Variants in PLA2G4A observed in about 807,000 individuals in gnomAD.
PLA2G4A encodes cytosolic phospholipase A2.
PLA2G4A carries 40 observed loss-of-function variants against 81.9 expected under a neutral mutation model. The observed-to-expected ratio is 0.49, with a 90% CI of 0.38 to 0.64. The LOEUF (loss-of-function observed/expected upper bound fraction) is 0.64, where lower values mean the gene tolerates loss of function less well. Among genes scored for constraint, PLA2G4A ranks in the 30% least tolerant of loss-of-function variants. The pLI, the probability that PLA2G4A is intolerant of heterozygous loss-of-function variation, is 0.00. For missense variants in PLA2G4A, 715 were observed against 905.1 expected, an observed-to-expected ratio of 0.79 and a Z score of 2.69; for synonymous variants, 302 against 296.9, an observed-to-expected ratio of 1.02 and a Z score of -0.18.
chr1:186,903,248 A>T (rs935211736), intron 5 of PLA2G4A, among the ~76,000 whole-genome samples: 1 of 152,228 alleles, frequency 6.6e-6, no homozygotes, highest in East Asian at 1.9e-4. Flanking sequence ...ACCTAGAAAA[A>T]AAAAAGAGTA....
At chr1:186,913,451 C>A (rs944736683) in intron 7 of PLA2G4A, among the ~76,000 whole-genome samples, 4 of 151,934 alleles carry the variant, frequency 2.6e-5, no homozygotes, top group Non-Finnish European at 5.9e-5. Flanking sequence ...TTATCTATTT[C>A]TCTCTTTATA....
chr1:186,956,557 C>T (rs939194582), intron 14 of PLA2G4A, among the ~76,000 whole-genome samples: 1 of 152,166 alleles, frequency 6.6e-6, no homozygotes, highest in African/African-American at 2.4e-5. Flanking sequence ...CCCAGTCACC[C>T]AGGCTGCAGT....
At chr1:186,959,722 G>C (rs1656882387) in intron 14 of PLA2G4A, among the ~76,000 whole-genome samples, 1 of 152,012 alleles carries the variant, frequency 6.6e-6, no homozygotes, top group African/African-American at 2.4e-5. Flanking sequence ...CCAATTTTTA[G>C]AATAATCATA....
At chr1:186,916,710 C>A (rs899225258) in intron 7 of PLA2G4A, among the ~76,000 whole-genome samples, 2 of 152,128 alleles carry the variant, frequency 1.3e-5, no homozygotes, top group African/African-American at 4.8e-5. Flanking sequence ...GGGCTACATA[C>A]CTGTACTGAG....
In PLA2G4A at chr1:186,953,911, G is replaced by C. The variant is rs1428383861; in HGVS notation, c.1337-2191G>C. On this transcript the variant is annotated intron_variant, in intron 13 of 17. Coordinates refer to ENST00000367466, the MANE Select transcript of PLA2G4A (RefSeq NM_024420.3). ...CCTATTTATATGCTGTGTAACTAGA[G>C]ATAGAAATCGTTCACTTTAAAGCCT... Among the ~76,000 whole-genome samples, 5 of 152,030 alleles carry C rather than the reference G, an allele frequency of 3.3e-5. No homozygotes were observed. In the East Asian group the frequency reaches 7.8e-4, roughly 24 times the overall value.
At chr1:186,965,634 C>G (rs1182207043) in intron 15 of PLA2G4A, 41 bp downstream of exon 15, 1 of 1,377,984 alleles carries the variant, frequency 7.3e-7, no homozygotes, top group Non-Finnish European at 1.0e-6. Flanking sequence ...CTACCACATT[C>G]TCTTGCTTGC....
At chr1:186,844,909 A>G (rs1391027886) in intron 1 of PLA2G4A, among the ~76,000 whole-genome samples, 1 of 152,166 alleles carries the variant, frequency 6.6e-6, no homozygotes, top group Non-Finnish European at 1.5e-5. Context: ...TCACACCTGT[A>G]ATCCCCTCAC....
chr1:186,943,084 GA>G (rs1272999993), intron 10 of PLA2G4A, among the ~76,000 whole-genome samples: 9 of 152,204 alleles, frequency 5.9e-5, no homozygotes, highest in Non-Finnish European at 1.3e-4. Flanking sequence ...CTGTGTAGAA[GA>G]AAAAGTTGAG....
chr1:186,946,678 T>A lies in PLA2G4A; in HGVS notation c.1075T>A (p.Tyr359Asn). Residue 359 changes from tyrosine to asparagine, a missense_variant, in exon 11 of 18, where the codon TAT becomes AAT. Tyr to Asn is a moderately radical substitution (Grantham distance 143). Coordinates refer to ENST00000367466, the MANE Select transcript of PLA2G4A (RefSeq NM_024420.3). The stretch of plus-strand genomic sequence containing the variant: ...TCCATACGAAATTGGCATGGCTAAA[T>A]ATGGTACTTTTATGGCTCCCGACTT... ...FSPYEIGMAKYGTFMAPDLFG... is the reference protein window; with the variant it reads ...FSPYEIGMAKNGTFMAPDLFG... 6.2e-7 allele frequency: 1 copy of A among 1,611,202 alleles called. No homozygotes were observed.
intron 3 of PLA2G4A, among the ~76,000 whole-genome samples, chr1:186,892,146 G>C (rs1354434134): frequency 6.6e-6 from 1 of 152,004 alleles, no homozygotes; most frequent in Non-Finnish European, 1.5e-5. Context: ...ATTATTAGAT[G>C]TTTTTCTACA....
intron 3 of PLA2G4A, 134 bp from the exon 4 acceptor site, chr1:186,892,877 A>G: frequency 1.4e-6 from 1 of 703,592 alleles, no homozygotes; most frequent in South Asian, 1.6e-5. Context: ...TTATGTGTAT[A>G]TTATCTTGTC....
chr1:186,952,413 GA>G (rs1332715188), intron 13 of PLA2G4A, among the ~76,000 whole-genome samples: 1 of 152,030 alleles, frequency 6.6e-6, no homozygotes, highest in Non-Finnish European at 1.5e-5. Flanking sequence ...AGAGTTTTTA[GA>G]GCAGTTTTAG....
intron 1 of PLA2G4A, among the ~76,000 whole-genome samples, chr1:186,848,148 G>A (rs1652252424): frequency 6.6e-6 from 1 of 152,108 alleles, no homozygotes. Context: ...AGATGCGTTT[G>A]TGCATGTCAG....
At chr1:186,933,050 A>C in intron 8 of PLA2G4A, 151 bp downstream of exon 8, 1 of 672,784 alleles carries the variant, frequency 1.5e-6, no homozygotes, top group Non-Finnish European at 2.6e-6. Flanking sequence ...CTGCTTTAAA[A>C]GATTTTTTAA....
At chr1:186,962,053 C>T (rs906944355) in intron 14 of PLA2G4A, among the ~76,000 whole-genome samples, 3 of 152,174 alleles carry the variant, frequency 2.0e-5, no homozygotes, top group African/African-American at 7.2e-5. Context: ...CCGTTAGTGA[C>T]TCAGTGGCCA....
intron 7 of PLA2G4A, among the ~76,000 whole-genome samples, chr1:186,929,038 A>G (rs188478941): frequency 1.3e-5 from 2 of 152,292 alleles, no homozygotes; most frequent in Admixed American, 1.3e-4. Context: ...TAAAACTCCA[A>G]ACTTAGTCTT....
chr1:186,903,608 T>A (rs1654625832), intron 5 of PLA2G4A, among the ~76,000 whole-genome samples: 1 of 152,078 alleles, frequency 6.6e-6, no homozygotes, highest in African/African-American at 2.4e-5. Flanking sequence ...CACAGGAGCA[T>A]GAACCCTATT....
At chr1:186,854,429 C>A (rs747818781) in intron 2 of PLA2G4A, 42 bp downstream of exon 2, 11 of 1,288,982 alleles carry the variant, frequency 8.5e-6, no homozygotes, top group Non-Finnish European at 1.2e-5. Context: ...TGGAGGGGGT[C>A]TGATATGTTT....
chr1:186,830,837 G>C (rs189401494), intron 1 of PLA2G4A, among the ~76,000 whole-genome samples: 1 of 151,956 alleles, frequency 6.6e-6, no homozygotes, highest in East Asian at 1.9e-4. Context: ...TATGTTCCAG[G>C]AATAAAAAAG....
Sources: allele counts gnomAD v4.1 joint callset (sites outside exome capture counted in the v4.1 genomes callset), GRCh38; gene constraint gnomAD v4.1.1; transcripts MANE v1.5; gene names NCBI Gene and HGNC (gene_info 2026-07-23, HGNC 2026-07-21).